Variants in ASNS observed in about 807,000 individuals in gnomAD.
The protein encoded by ASNS is asparagine synthetase (glutamine-hydrolyzing).
In ASNS, 37 loss-of-function variants were observed where a neutral mutation model predicts 62.6. That is an observed-to-expected ratio of 0.59 (90% CI 0.45 to 0.78). The LOEUF is 0.78. Ranked by LOEUF, ASNS falls within the 30% of genes least tolerant of loss-of-function variation. The pLI is 0.00. For synonymous variants in ASNS, 207 were observed against 237.9 expected, an observed-to-expected ratio of 0.87 and a Z score of 1.19; for missense variants, 520 against 682.4, an observed-to-expected ratio of 0.76 and a Z score of 2.65.
At chr7:97,858,816 C>G (rs1209610308) in intron 6 of ASNS, 38 bp downstream of exon 6, 1 of 1,535,938 alleles carries the variant, frequency 6.5e-7, no homozygotes, top group Non-Finnish European at 8.9e-7. Flanking sequence ...CAATTAAACA[C>G]ACATGAAATA....
intron 3 of ASNS, 89 bp from the exon 4 acceptor site, chr7:97,864,585 G>T: frequency 1.1e-6 from 1 of 908,214 alleles, no homozygotes; most frequent in Non-Finnish European, 1.8e-6. Flanking sequence ...GTATTTCTGA[G>T]CTCTATAATC....
upstream of ASNS, among the ~76,000 whole-genome samples, chr7:97,874,866 C>T (rs553257926): frequency 5.2e-5 from 8 of 152,388 alleles, no homozygotes; most frequent in Non-Finnish European, 1.2e-4. Context: ...GCCTGATGTT[C>T]TTTGCAATCA....
the ASNS span, among the ~76,000 whole-genome samples, chr7:97,917,238 A>G: frequency 1.5e-5 from 2 of 130,870 alleles, no homozygotes; most frequent in Admixed American, 1.6e-4. Flanking sequence ...AAAAAAAAAA[A>G]GGTTAATGAG....
chr7:97,865,842 G>C (rs942799308), intron 3 of ASNS, among the ~76,000 whole-genome samples: 1 of 152,150 alleles, frequency 6.6e-6, no homozygotes, highest in East Asian at 1.9e-4. Flanking sequence ...ACCCTTTGTG[G>C]GCGTGCTTGC....
chr7:97,878,741 G>A, the ASNS span, among the ~76,000 whole-genome samples: 16 of 152,152 alleles, frequency 1.1e-4, no homozygotes, highest in Non-Finnish European at 2.2e-4. Flanking sequence ...TAGATTCAAT[G>A]CCATCCCCAT....
At chr7:97,928,306 C>G in the ASNS span, 2 of 1,452,162 alleles carry the variant, frequency 1.4e-6, no homozygotes, top group Admixed American at 2.0e-5. Context: ...GCCATGGCTC[C>G]GGGGGCTCTG....
the ASNS span, chr7:97,928,003 C>A: frequency 7.4e-6 from 6 of 805,960 alleles, no homozygotes; most frequent in Admixed American, 6.9e-5. Context: ...GGCCACGGAG[C>A]CTCCCGCCGC....
At chr7:97,892,197 C>A in the ASNS span, among the ~76,000 whole-genome samples, 1 of 152,172 alleles carries the variant, frequency 6.6e-6, no homozygotes. Context: ...AGCCATAGCC[C>A]ACGTTGTACC....
At chr7:97,918,763 C>T in the ASNS span, among the ~76,000 whole-genome samples, 1 of 152,074 alleles carries the variant, frequency 6.6e-6, no homozygotes, top group Non-Finnish European at 1.5e-5. Flanking sequence ...GAACATCACA[C>T]ACCGGGTCCC....
chr7:97,918,035 T>C, the ASNS span, among the ~76,000 whole-genome samples: 3 of 152,194 alleles, frequency 2.0e-5, no homozygotes, highest in Non-Finnish European at 4.4e-5. Context: ...GAAAGCAAAC[T>C]TCTCCAGAGT....
At chr7:97,894,160 A>G in the ASNS span, among the ~76,000 whole-genome samples, 47 of 151,896 alleles carry the variant, frequency 3.1e-4, no homozygotes, top group East Asian at 8.5e-3. Context: ...GACATCAAAA[A>G]TTTTTTTTAA....
the ASNS span, chr7:97,928,277 G>C: frequency 1.4e-6 from 2 of 1,403,134 alleles, no homozygotes; most frequent in African/African-American, 1.6e-5. Context: ...CAGTGGCTTT[G>C]GAGCTGCCGG....
chr7:97,910,911 A>G, the ASNS span, among the ~76,000 whole-genome samples: 12 of 152,168 alleles, frequency 7.9e-5, no homozygotes, highest in East Asian at 7.7e-4. Context: ...TAGACTTTCA[A>G]GTAAAGCCAC....
At chr7:97,862,942 A>C (rs1791794770) in intron 4 of ASNS, among the ~76,000 whole-genome samples, 1 of 152,214 alleles carries the variant, frequency 6.6e-6, no homozygotes, top group East Asian at 1.9e-4. Flanking sequence ...TCAAAATCAC[A>C]ATGAGATACC....
At chr7:97,868,845 T>A (rs1254921900) in intron 3 of ASNS, 63 bp downstream of exon 3, 5 of 1,590,760 alleles carry the variant, frequency 3.1e-6, no homozygotes, top group Non-Finnish European at 4.3e-6. Flanking sequence ...ATATGTAACA[T>A]CATCGTAACC....
chr7:97,906,823 G>T, the ASNS span: 1 of 152,032 alleles, frequency 6.6e-6, no homozygotes, highest in Non-Finnish European at 1.5e-5. Flanking sequence ...GACAGCCAAT[G>T]ATATAGTTCC....
At chr7:97,909,294 C>CTTTTTTTTT in the ASNS span, among the ~76,000 whole-genome samples, 7 of 72,618 alleles carry the variant, frequency 9.6e-5, no homozygotes, top group Admixed American at 2.0e-4. Context: ...CTCACATACA[C>CTTTTTTTTT]TTTTTTTTTT....
the ASNS span, among the ~76,000 whole-genome samples, chr7:97,919,553 C>T: frequency 1.2e-3 from 177 of 152,360 alleles, no homozygotes; most frequent in Middle Eastern, 3.4e-3. Context: ...GTCAAGAGGG[C>T]CGTGCACATG....
At chr7:97,900,216 G>A in the ASNS span, among the ~76,000 whole-genome samples, 1 of 151,990 alleles carries the variant, frequency 6.6e-6, no homozygotes, top group African/African-American at 2.4e-5. Flanking sequence ...ACAAAAATTA[G>A]CCAGGCATGG....
Sources: gnomAD v4.1 joint callset for allele counts (sites outside exome capture counted in the v4.1 genomes callset) on GRCh38, gnomAD v4.1.1 for gene constraint, MANE v1.5 for transcripts, NCBI Gene and HGNC (gene_info 2026-07-23, HGNC 2026-07-21) for gene names.